The following AHNAK2 variants were observed in gnomAD, a reference collection of about 807,000 sequenced individuals.
The protein encoded by AHNAK2 is protein AHNAK2.
AHNAK2 carries 18 observed loss-of-function variants against 30.7 expected under a neutral mutation model. The observed-to-expected ratio is 0.59, with a 90% CI of 0.41 to 0.87. The LOEUF (loss-of-function observed/expected upper bound fraction) is 0.87, where lower values mean the gene tolerates loss of function less well. AHNAK2 is among the 40% of genes least tolerant of loss of function. The probability of loss-of-function intolerance (pLI) is 0.00; values close to 1 mark genes in which losing one functional copy is unlikely to be tolerated. For missense variants in AHNAK2, 8,604 were observed against 7,373.0 expected (o/e 1.17, Z -6.11); for synonymous variants, 3,590 against 3,073.8 (o/e 1.17, Z -5.56).
At chr14:104,965,401 CAAAAAAAA>C (rs397853385) in intron 1 of AHNAK2, among the ~76,000 whole-genome samples, 1 of 85,520 alleles carries the variant, frequency 1.2e-5, no homozygotes, top group Non-Finnish European at 2.3e-5. Context: ...AACTCTGTCT[CAAAAAAAA>C]AAAAAAAAAA....
At chr14:104,956,721 T>C (rs1439164431) in intron 3 of AHNAK2, 32 bp from the exon 4 acceptor site, 4 of 1,606,124 alleles carry the variant, frequency 2.5e-6, no homozygotes, top group Non-Finnish European at 3.4e-6. Context: ...GTTAGGCACC[T>C]GCCCCAGCTC....
rs748819042 is a variant in AHNAK2 at position 104,945,500 on chromosome 14, C to G, written c.9951G>C (p.Ser3317=). ...ACTTGCCTGGGGCAGACGCCCTGTACGACGGCATCTTGAATTTGGGCATTT... is the reference window on the plus strand; with the variant it reads ...ACTTGCCTGGGGCAGACGCCCTGTAGGACGGCATCTTGAATTTGGGCATTT... ...KFKMPKFKMP[S]YRASAPGKSI... is the part of the protein sequence containing the mutation. Residue 3317 remains serine, a synonymous_variant, in exon 7 of 7, where the codon TCG becomes TCC. Coordinates refer to ENST00000333244, the MANE Select transcript of AHNAK2 (RefSeq NM_138420.4). 1 of 1,612,692 alleles carries G rather than the reference C, an allele frequency of 6.2e-7. No individual in the cohort carries two copies. Among genetic ancestry groups the G allele is most frequent in the Admixed American group, 1.7e-5 (1 of 59,934 alleles).
Position 104,952,095 on chromosome 14 carries a change from G to T in AHNAK2, c.3356C>A (p.Ala1119Asp), listed in dbSNP as rs200510799. Residue 1119 changes from alanine to aspartate, a missense_variant, in exon 7 of 7, where the codon GCC (alanine) becomes GAC (aspartate). Ala to Asp is a moderately radical substitution (Grantham distance 126, BLOSUM62 -2). Coordinates refer to ENST00000333244, the MANE Select transcript of AHNAK2 (RefSeq NM_138420.4). ...DLKSPKAEVT[A>D]PDVEVSLPSV... is the part of the protein sequence containing the mutation. Reference sequence around the variant, plus strand: ...GGGCAGAGACACCTCCACATCAGGGGCTGTGACTTCCGCCTTGGGGCTTTT... The same window carrying T: ...GGGCAGAGACACCTCCACATCAGGGTCTGTGACTTCCGCCTTGGGGCTTTT... 6.2e-7 allele frequency: 1 copy of T among 1,606,172 alleles called. No individual in the cohort carries two copies. Among genetic ancestry groups the T allele is most frequent in the Non-Finnish European group, 8.5e-7 (1 of 1,178,926 alleles).
Position 104,945,118 on chromosome 14 carries a change from C to T in AHNAK2, c.10333G>A (p.Ala3445Thr). Reference protein sequence around the residue: ...SLPSVEVDVQAPRAKLDGARL... With the variant: ...SLPSVEVDVQTPRAKLDGARL... ...GCACCATCCAGCTTGGCTCTCGGGGCCTGGACGTCCACCTCCACGCTGGGC... is the reference window on the plus strand; with the variant it reads ...GCACCATCCAGCTTGGCTCTCGGGGTCTGGACGTCCACCTCCACGCTGGGC... The change falls in exon 7 of 7, where the codon GCC becomes ACC. Residue 3445 changes from alanine (A) to threonine (T), a missense_variant. By Grantham distance (58) the Ala-to-Thr change is moderately conservative. Transcript: ENST00000333244. The T allele has an allele frequency of 6.2e-7, 1 of 1,613,130 alleles. No individual in the cohort carries two copies. Among genetic ancestry groups the T allele is most frequent in the Non-Finnish European group, 8.5e-7 (1 of 1,179,728 alleles).
Position 104,947,296 on chromosome 14 carries a change from C to T in AHNAK2, c.8155G>A (p.Gly2719Ser). The T allele has an allele frequency of 1.9e-6, 3 of 1,611,486 alleles. No individual in the cohort carries two copies. The highest frequency in any genetic ancestry group is 1.4e-5 in the African/African-American group (1 of 73,966). ...AGQVDVKLPE[G>S]HVPEGAGLKG... ...AGGCCGGCTCCCTCGGGAACGTGGC[C>T]CTCTGGGAGTTTCACATCCACCTGG... Residue 2719 changes from glycine to serine, a missense_variant, in exon 7 of 7, where the codon GGC (glycine) becomes AGC (serine). Transcript: ENST00000333244.
At position 104,944,024 on chromosome 14, in the gene AHNAK2, C is replaced by A. The variant is rs774454315; in HGVS notation, c.11427G>T (p.Lys3809Asn). The change falls in exon 7 of 7, where the codon AAG (lysine) becomes AAT (asparagine). Residue 3809 changes from lysine (K) to asparagine (N), a missense_variant. Physicochemically the swap from Lys to Asn is moderately conservative, Grantham distance 94. Transcript: ENST00000333244. ...KDSKFKMPKFKMPSFGVSAPG... is the reference protein window; with the variant it reads ...KDSKFKMPKFNMPSFGVSAPG... ...GGGCAGACACCCCAAATGACGGCAT[C>A]TTGAACTTGGGCATTTTGAATTTGC... 6.2e-7 allele frequency: 1 copy of A among 1,613,168 alleles called. No individual in the cohort carries two copies. Among genetic ancestry groups the A allele is most frequent in the East Asian group, 2.2e-5 (1 of 44,776 alleles).
In AHNAK2 at chr14:104,949,084, C is replaced by G. The variant is rs369582582; in HGVS notation, c.6367G>C (p.Val2123Leu). ...TCCAGCTTGGCTCTTGGGGCCTGGA[C>G]GTCCACCTCCATGCTGGGCAGAGAC... The part of the protein sequence containing the change: ...EVSLPSMEVD[V>L]QAPRAKLDSA... The change falls in exon 7 of 7, where the codon GTC (valine) becomes CTC (leucine). Residue 2123 changes from valine (V) to leucine (L), a missense_variant. By Grantham distance (32) the Val-to-Leu change is conservative. Transcript: ENST00000333244. 1.9e-6 allele frequency: 2 copies of G among 1,069,766 alleles called. 1 individual carries two copies. The highest frequency in any genetic ancestry group is 2.7e-6 in the Non-Finnish European group (2 of 734,656). 66.3% of individuals were successfully genotyped at this position (1,069,766 alleles called of 1,614,324 possible).
rs201721288 is a variant in AHNAK2, at chr14:104,948,191, C to G, written c.7260G>C (p.Gln2420His). The G allele has an allele frequency of 6.2e-7, 1 of 1,611,490 alleles. No individual in the cohort carries two copies. The part of the protein sequence containing the change: ...KMPKVDLKGP[Q>H]IDVKGPKLDL... ...CCAGCTTGGGGCCCTTGACATCTAT[C>G]TGGGGGCCCTTGAGATCTACTTTGG... The change falls in exon 7 of 7, where the codon CAG (glutamine) becomes CAC (histidine). Residue 2420 changes from glutamine to histidine, a missense_variant. Transcript: ENST00000333244.
chr14:104,947,683 C>T lies in AHNAK2; in HGVS notation c.7768G>A (p.Gly2590Ser), dbSNP rs1185015913. The T allele has an allele frequency of 3.7e-6, 6 of 1,612,958 alleles. No homozygotes were observed. The highest frequency in any genetic ancestry group is 4.5e-5 in the East Asian group (2 of 44,758). ...DLKGPQLDVK[G>S]PKLDLKGPKA... is the part of the protein sequence containing the mutation. Reference sequence around the variant, plus strand: ...GGGCCTTTCAGGTCCAGCTTGGGGCCCTTGACATCTAGCTGGGGGCCCTTG... The same window carrying T: ...GGGCCTTTCAGGTCCAGCTTGGGGCTCTTGACATCTAGCTGGGGGCCCTTG... Residue 2590 changes from glycine (G) to serine (S), a missense_variant, in exon 7 of 7, where the codon GGC (glycine) becomes AGC (serine). By Grantham distance (56) the Gly-to-Ser change is moderately conservative. Coordinates refer to ENST00000333244, the MANE Select transcript of AHNAK2 (RefSeq NM_138420.4).
At position 104,948,625 on chromosome 14, in the gene AHNAK2, C is replaced by T. The variant is rs1252278482; in HGVS notation, c.6826G>A (p.Asp2276Asn). 6.2e-7 allele frequency: 1 copy of T among 1,612,504 alleles called. No individual in the cohort carries two copies. Among genetic ancestry groups the T allele is most frequent in the Non-Finnish European group, 8.5e-7 (1 of 1,179,776 alleles). Residue 2276 changes from aspartate to asparagine, a missense_variant, in exon 7 of 7, where the codon GAT (aspartate) becomes AAT (asparagine). Asp to Asn is a conservative substitution (Grantham distance 23, BLOSUM62 1). Coordinates refer to ENST00000333244, the MANE Select transcript of AHNAK2 (RefSeq NM_138420.4). ...ACGCTGGGCAGAGACACCTCCACATCAGGGGCTGTCACTTCCACCTTGGGG... is the reference window on the plus strand; with the variant it reads ...ACGCTGGGCAGAGACACCTCCACATTAGGGGCTGTCACTTCCACCTTGGGG... Reference protein sequence around the residue: ...KDPKVEVTAPDVEVSLPSVEV... With the variant: ...KDPKVEVTAPNVEVSLPSVEV...
chr14:104,948,149 C>G lies in AHNAK2; in HGVS notation c.7302G>C (p.Lys2434Asn), dbSNP rs754737031. Residue 2434 changes from lysine (K) to asparagine (N), a missense_variant, in exon 7 of 7, where the codon AAG becomes AAC. Transcript: ENST00000333244. ...KGPKLDLKGP[K>N]TDVMAPDVEV... ...CCACGTCGGGGGCCATCACGTCCGT[C>G]TTGGGGCCTTTCAGGTCCAGCTTGG... 1.2e-6 allele frequency: 2 copies of G among 1,612,512 alleles called. No homozygotes were observed. Among genetic ancestry groups the G allele is most frequent in the African/African-American group, 2.7e-5 (2 of 74,368 alleles).
At chr14:104,975,102 A>G (rs1228771460) in intron 1 of AHNAK2, among the ~76,000 whole-genome samples, 3 of 152,202 alleles carry the variant, frequency 2.0e-5, no homozygotes, top group Non-Finnish European at 4.4e-5. Context: ...AGCTTGGCCA[A>G]ATGGAGAGAA....
At position 104,944,857 on chromosome 14, in the gene AHNAK2, C is replaced by G. The variant is rs1276497123; in HGVS notation, c.10594G>C (p.Val3532Leu). 2 of 1,612,912 alleles carry G rather than the reference C, an allele frequency of 1.2e-6. No homozygotes were observed. The highest frequency in any genetic ancestry group is 1.3e-5 in the African/African-American group (1 of 74,800). The part of the protein sequence containing the change: ...SIQPPSADLE[V>L]QAVQVDVELL... The stretch of plus-strand genomic sequence containing the variant: ...TCCACATCCACTTGGACAGCCTGGA[C>G]CTCCAGGTCAGCGGAAGGGGGCTGA... Residue 3532 changes from valine to leucine, a missense_variant, in exon 7 of 7, where the codon GTC (valine) becomes CTC (leucine). By Grantham distance (32) the Val-to-Leu change is conservative. Transcript: ENST00000333244.
At chr14:104,974,666 TC>T (rs1327152066) in intron 1 of AHNAK2, among the ~76,000 whole-genome samples, 1 of 152,210 alleles carries the variant, frequency 6.6e-6, no homozygotes, top group Non-Finnish European at 1.5e-5. Flanking sequence ...AGCTATGACC[TC>T]CCAGGTCCCA....
chr14:104,973,598 C>A (rs924452485), intron 1 of AHNAK2, among the ~76,000 whole-genome samples: 2 of 152,178 alleles, frequency 1.3e-5, no homozygotes, highest in Admixed American at 6.5e-5. Flanking sequence ...AGTAAGGGTC[C>A]CCCAAGTGTC....
chr14:104,948,291 G>C lies in AHNAK2; in HGVS notation c.7160C>G (p.Pro2387Arg). 1 of 1,611,696 alleles carries C rather than the reference G, an allele frequency of 6.2e-7. No homozygotes were observed. The change falls in exon 7 of 7, where the codon CCA becomes CGA. Residue 2387 changes from proline to arginine, a missense_variant. By Grantham distance (103) the Pro-to-Arg change is moderately radical (BLOSUM62 -2). Transcript: ENST00000333244. Reference sequence around the variant, plus strand: ...GGCTCCCTCCGGCACGGGGCCCTCTGGGAGTTTCACATCCACTTGGCCAGC... The same window carrying C: ...GGCTCCCTCCGGCACGGGGCCCTCTCGGAGTTTCACATCCACTTGGCCAGC... ...VQAGQVDVKL[P>R]EGPVPEGAGL...
chr14:104,969,521 C>T (rs902652751), intron 1 of AHNAK2, among the ~76,000 whole-genome samples: 11 of 152,270 alleles, frequency 7.2e-5, no homozygotes, highest in African/African-American at 2.7e-4. Context: ...CCCTGGTCCC[C>T]AGAACACTTT....
rs374116044 is a variant in AHNAK2 at position 104,949,532 on chromosome 14, G to A, written c.5919C>T (p.Asp1973=). 6.2e-5 allele frequency: 99 copies of A among 1,587,900 alleles called. 6 individuals are homozygous for A. In the African/African-American group the frequency reaches 1.0e-3, roughly 16 times the overall value. Residue 1973 remains aspartate, a synonymous_variant, in exon 7 of 7, where the codon GAC becomes GAT. Coordinates refer to ENST00000333244, the MANE Select transcript of AHNAK2 (RefSeq NM_138420.4). ...TCATGTCCTTGTCGGCCAGGGACAG[G>A]TCTCCCTCCAGCCGCGCACCATCCA... ...AKLDGARLEG[D]LSLADKDMTA... is the part of the protein sequence containing the mutation.
In AHNAK2 at chr14:104,947,962, C is replaced by A. The variant is rs752916029; in HGVS notation, c.7489G>T (p.Ala2497Ser). The change falls in exon 7 of 7, where the codon GCC becomes TCC. Residue 2497 changes from alanine to serine, a missense_variant. By Grantham distance (99) the Ala-to-Ser change is moderately conservative (BLOSUM62 1). Transcript: ENST00000333244. ...GAGGCCTCGATGGACTTGCCTGGGG[C>A]AGACACCCCGAATGACGGCATCTTG... is the stretch of plus-strand genomic sequence containing the variant. Reference protein sequence around the residue: ...KFKMPSFGVSAPGKSIEASVD... With the variant: ...KFKMPSFGVSSPGKSIEASVD... 5 of 1,612,862 alleles carry A rather than the reference C, an allele frequency of 3.1e-6. No homozygotes were observed. Among genetic ancestry groups the A allele is most frequent in the Admixed American group, 3.3e-5 (2 of 59,956 alleles).
Sources: gnomAD v4.1 joint callset for allele counts (sites outside exome capture counted in the v4.1 genomes callset) on GRCh38, gnomAD v4.1.1 for gene constraint, MANE v1.5 for transcripts, NCBI Gene and HGNC (gene_info 2026-07-23, HGNC 2026-07-21) for gene names.